PRDM5: variants seen among roughly 807,000 people sequenced by gnomAD.
The protein encoded by PRDM5 is PR/SET domain 5.
A neutral mutation model predicts 81.2 loss-of-function variants in PRDM5; 56 were observed. The ratio of observed to expected loss-of-function variants is 0.69; its 90% confidence interval spans 0.56 to 0.86. The LOEUF is 0.86. Ranked by LOEUF, PRDM5 falls within the 40% of genes least tolerant of loss-of-function variation. The pLI is 0.00. For synonymous variants in PRDM5, 267 were observed against 256.4 expected (o/e 1.04, Z -0.39); for missense variants, 697 against 770.1 (o/e 0.91, Z 1.12).
chr4:120,773,000 T>C (rs1415935748), intron 13 of PRDM5, among the ~76,000 whole-genome samples: 2 of 152,154 alleles, frequency 1.3e-5, no homozygotes, highest in Non-Finnish European at 2.9e-5. Flanking sequence ...AGAACATCTG[T>C]GATAAAGTAA....
At chr4:120,779,516 C>A (rs6825662) in intron 12 of PRDM5, among the ~76,000 whole-genome samples, 117,243 of 151,932 alleles carry the variant, frequency 0.77, 45,494 homozygotes, top group East Asian at 0.87. Context: ...GAGCTAAAAA[C>A]ACCAGATAAT....
At chr4:120,880,196 A>C (rs995216630) in intron 2 of PRDM5, among the ~76,000 whole-genome samples, 3 of 152,132 alleles carry the variant, frequency 2.0e-5, no homozygotes, top group African/African-American at 7.2e-5. Flanking sequence ...TATTAATTAA[A>C]ACTCACACAC....
chr4:120,741,744 G>T (rs891600988), intron 14 of PRDM5, among the ~76,000 whole-genome samples: 6 of 152,140 alleles, frequency 3.9e-5, no homozygotes, highest in African/African-American at 1.2e-4. Flanking sequence ...GGCACACCAC[G>T]AGATTATATC....
intron 14 of PRDM5, among the ~76,000 whole-genome samples, chr4:120,729,162 A>C (rs2149079621): frequency 6.6e-6 from 1 of 152,314 alleles, no homozygotes; most frequent in African/African-American, 2.4e-5. Context: ...CTTCAGCATC[A>C]GCATGGTTTT....
Position 120,816,528 on chromosome 4 carries a change from A to G in PRDM5, c.790T>C (p.Cys264Arg), listed in dbSNP as rs766744692. The G allele has an allele frequency of 4.3e-6, 7 of 1,614,024 alleles. No homozygotes were observed. In the African/African-American group the frequency reaches 8.0e-5, roughly 18 times the overall value. Residue 264 changes from cysteine to arginine, a missense_variant, in exon 7 of 16, where the codon TGC (cysteine) becomes CGC (arginine). Around this residue, in one of 3 missense-constraint regions of PRDM5, gnomAD observed 577 missense variants for 606.7 expected, o/e 0.95. Transcript: ENST00000264808. ...ETCRGDARFV[C>R]KADSCGKRLK... ...CTCTTTCCACAGCTGTCAGCCTTGC[A>G]CACAAACCTGGCATCCCCCCGGCAA...
intron 2 of PRDM5, among the ~76,000 whole-genome samples, chr4:120,869,110 A>G (rs759730577): frequency 1.3e-5 from 2 of 152,156 alleles, no homozygotes; most frequent in African/African-American, 2.4e-5. Flanking sequence ...AAAAAACATG[A>G]TTGTTAAATC....
chr4:120,820,413 GATAAAGACGAGGCCT>G, intron 4 of PRDM5, among the ~76,000 whole-genome samples: 1 of 152,302 alleles, frequency 6.6e-6, no homozygotes, highest in South Asian at 2.1e-4. Context: ...AGCCTGAAAG[GATAAAGACGAGGCCT>G]ATTACAAAAT....
chr4:120,744,136 C>T (rs1195726671), intron 14 of PRDM5, among the ~76,000 whole-genome samples: 1 of 152,130 alleles, frequency 6.6e-6, no homozygotes, highest in Non-Finnish European at 1.5e-5. Flanking sequence ...TCACTCAAAA[C>T]CGCTCAACTA....
At chr4:120,709,701 CA>C (rs1736675064) in intron 15 of PRDM5, among the ~76,000 whole-genome samples, 1 of 114,900 alleles carries the variant, frequency 8.7e-6, no homozygotes, top group South Asian at 3.2e-4. Context: ...CACAAAAGAA[CA>C]GTGGTTTTTT....
chr4:120,800,841 G>A (rs932926589), intron 8 of PRDM5, among the ~76,000 whole-genome samples: 1 of 151,924 alleles, frequency 6.6e-6, no homozygotes, highest in Non-Finnish European at 1.5e-5. Context: ...AGAATAAAAT[G>A]TATTTAAAAA....
At chr4:120,897,282 G>T (rs1176330242) in intron 2 of PRDM5, among the ~76,000 whole-genome samples, 2 of 150,820 alleles carry the variant, frequency 1.3e-5, no homozygotes, top group Admixed American at 6.6e-5. Flanking sequence ...TTTTCTTTTT[G>T]CATCTTAAAA....
intron 14 of PRDM5, among the ~76,000 whole-genome samples, chr4:120,713,592 T>C (rs1208006052): frequency 6.6e-6 from 1 of 152,254 alleles, no homozygotes; most frequent in African/African-American, 2.4e-5. Context: ...TCTCTATTTC[T>C]TTCCTTTTAA....
At position 120,692,272 on chromosome 4, in the gene PRDM5, A is replaced by C. The variant is rs184669558; in HGVS notation, c.*2839T>G. 9 of 152,230 alleles carry C rather than the reference A, an allele frequency of 5.9e-5. No homozygotes were observed. Among genetic ancestry groups the C allele is most frequent in the Admixed American group, 5.2e-4 (8 of 15,252 alleles). The allele number at this position is 152,230 out of a possible 1,614,324, so 9.4% of individuals were successfully genotyped here. The stretch of plus-strand genomic sequence containing the variant: ...TAATACATGTTCACACTCATGCATG[A>C]GTTGACTGTAATAGGTCAGAAGATA... On this transcript the variant is annotated 3_prime_UTR_variant, in exon 16 of 16. Transcript: ENST00000264808.
chr4:120,781,283 G>A lies in PRDM5; in HGVS notation c.1303C>T (p.His435Tyr), dbSNP rs1253602152. The A allele has an allele frequency of 1.9e-6, 3 of 1,613,050 alleles. No individual in the cohort carries two copies. The highest frequency in any genetic ancestry group is 4.5e-5 in the East Asian group (2 of 44,774). ...IHNSERTFKC[H>Y]HCDATFKRKD... ...CTCTTAAAGGTAGCATCGCAGTGAT[G>A]GCACTTGAAAGTCCTCTCACCTTAG... Residue 435 changes from histidine to tyrosine, a missense_variant, in exon 12 of 16, where the codon CAT becomes TAT. This residue lies in a region of PRDM5 where 577 missense variants were observed against 606.7 expected (regional missense o/e 0.95). Coordinates refer to ENST00000264808, the MANE Select transcript of PRDM5 (RefSeq NM_018699.4).
intron 10 of PRDM5, among the ~76,000 whole-genome samples, chr4:120,788,458 A>G (rs1240479912): frequency 6.6e-6 from 1 of 152,198 alleles, no homozygotes; most frequent in Non-Finnish European, 1.5e-5. Flanking sequence ...TTTCTTCTTT[A>G]TACCTTTCTT....
At chr4:120,921,028 AAAC>A (rs528722988) in intron 1 of PRDM5, among the ~76,000 whole-genome samples, 1,559 of 152,346 alleles carry the variant, frequency 0.01, 11 homozygotes, top group Non-Finnish European at 0.015. Flanking sequence ...TAATATAAGG[AAAC>A]AACAAGGATT....
downstream of PRDM5, among the ~76,000 whole-genome samples, chr4:120,690,533 A>G (rs1332930212): frequency 2.6e-5 from 4 of 152,114 alleles, no homozygotes; most frequent in Non-Finnish European, 4.4e-5. Context: ...AATCACAGAA[A>G]AGTTTTCAGT....
intron 14 of PRDM5, among the ~76,000 whole-genome samples, chr4:120,730,850 T>C (rs1194961247): frequency 2.0e-5 from 3 of 152,214 alleles, no homozygotes; most frequent in East Asian, 1.9e-4. Context: ...TTTGTGGATA[T>C]ACCAAGTTCA....
intron 15 of PRDM5, among the ~76,000 whole-genome samples, chr4:120,699,190 A>T (rs1487222355): frequency 3.5e-5 from 4 of 113,178 alleles, no homozygotes; most frequent in East Asian, 2.6e-4. Flanking sequence ...ATATATATAT[A>T]TATATATATA....
Sources: gnomAD v4.1 joint callset for allele counts (sites outside exome capture counted in the v4.1 genomes callset) on GRCh38, gnomAD v4.1.1 for gene constraint, gnomAD v4.1.1 regional missense constraint, MANE v1.5 for transcripts, NCBI Gene and HGNC (gene_info 2026-07-23, HGNC 2026-07-21) for gene names.